The following TBX1 variants were observed in gnomAD, a reference collection of about 807,000 sequenced individuals.
TBX1 encodes T-box transcription factor 1.
Under a neutral mutation model 40.8 loss-of-function variants are expected in TBX1, and 16 were observed. The observed-to-expected ratio is 0.39, with a 90% CI of 0.27 to 0.60. The LOEUF is 0.60. TBX1 is among the 20% of genes least tolerant of loss of function. The pLI, the probability that TBX1 is intolerant of heterozygous loss-of-function variation, is 0.51. For synonymous variants in TBX1, 403 were observed against 336.8 expected, an observed-to-expected ratio of 1.20 and a Z score of -2.15; for missense variants, 755 against 728.5, an observed-to-expected ratio of 1.04 and a Z score of -0.42.
At chr22:19,761,985 C>A (rs41298798) in intron 1 of TBX1, among the ~76,000 whole-genome samples, 2 of 152,228 alleles carry the variant, frequency 1.3e-5, no homozygotes, top group African/African-American at 4.8e-5. Flanking sequence ...GCGGGTGCCG[C>A]GCTGTGTCTA....
chr22:19,758,516 C>T (rs1439036443), upstream of TBX1, among the ~76,000 whole-genome samples: 1 of 152,188 alleles, frequency 6.6e-6, no homozygotes, highest in Non-Finnish European at 1.5e-5. Flanking sequence ...CGGCGGGCCT[C>T]GGCCTCACTC....
downstream of TBX1, among the ~76,000 whole-genome samples, chr22:19,769,282 T>C (rs747958226): frequency 1.3e-5 from 2 of 152,286 alleles, no homozygotes; most frequent in East Asian, 1.9e-4. Flanking sequence ...TGAACTAGGA[T>C]TCATTAAACA....
downstream of TBX1, chr22:19,779,640 A>G: frequency 2.0e-6 from 2 of 1,014,764 alleles, no homozygotes; most frequent in Non-Finnish European, 2.7e-6. Flanking sequence ...ATTGACTGTA[A>G]ACTCATTATA....
chr22:19,779,295 T>C (rs749948240), exon 9 of TBX1: 1 of 1,614,148 alleles, frequency 6.2e-7, no homozygotes, highest in African/African-American at 1.3e-5. Flanking sequence ...GTGGAGCTTC[T>C]GAGGGATGCA....
At position 19,766,927 on chromosome 22, in the gene TBX1, G is replaced by A; in HGVS notation, c.*60G>A. ...ACAGCCCCGAAGTTCGCCGGGCCCG[G>A]CCACCCTGCCCCAAGGGCAAGCAAG... On this transcript the variant is annotated 3_prime_UTR_variant, in exon 7 of 7. Coordinates refer to ENST00000649276, the MANE Select transcript of TBX1 (RefSeq NM_001379200.1). The A allele has an allele frequency of 6.4e-7, 1 of 1,562,660 alleles. No individual in the cohort carries two copies. Among genetic ancestry groups the A allele is most frequent in the South Asian group, 1.2e-5 (1 of 86,456 alleles).
intron 8 of TBX1, among the ~76,000 whole-genome samples, chr22:19,772,740 G>A (rs1188696856): frequency 1.3e-5 from 2 of 152,146 alleles, no homozygotes; most frequent in African/African-American, 4.8e-5. Context: ...GAACGAAGAT[G>A]GTGACAGCAG....
rs41298006 is a variant in TBX1 at position 19,779,119 on chromosome 22, G to A, written c.1010-101G>A. 713 of 1,382,758 alleles carry A rather than the reference G, an allele frequency of 5.2e-4. 13 individuals are homozygous for A. In the East Asian group the frequency reaches 0.013, roughly 25 times the overall value. 85.7% of individuals were successfully genotyped at this position (1,382,758 alleles called of 1,614,324 possible). A position where few individuals can be genotyped will look rare whatever the true frequency, so the allele number is the denominator to read the frequency against. ...GCAGTCCTGTCCTGCCCTTCCATGC[G>A]GTTCAGACACTGGACATTTGTGCAG... On this transcript the variant is annotated intron_variant, in intron 8 of 8. Coordinates refer to the TBX1 transcript ENST00000329705.
chr22:19,778,529 G>A (rs1323596523), intron 8 of TBX1, among the ~76,000 whole-genome samples: 1 of 151,432 alleles, frequency 6.6e-6, no homozygotes, highest in Non-Finnish European at 1.5e-5. Context: ...CCACCTCCTG[G>A]GCTCAAGCAA....
At chr22:19,783,124 C>T (rs1937158253), downstream of TBX1, 1 of 748,340 alleles carries the variant, frequency 1.3e-6, no homozygotes, top group Non-Finnish European at 2.5e-6. Flanking sequence ...ATCCTCCAGC[C>T]CTGGCCATCA....
chr22:19,780,846 G>A (rs535455000), downstream of TBX1, among the ~76,000 whole-genome samples: 5 of 146,274 alleles, frequency 3.4e-5, no homozygotes, highest in Non-Finnish European at 7.4e-5. Context: ...GCAGTGGCGC[G>A]ATCTCGGCTC....
At chr22:19,782,827 G>A, downstream of TBX1, 4 of 1,611,182 alleles carry the variant, frequency 2.5e-6, no homozygotes, top group Non-Finnish European at 3.4e-6. Flanking sequence ...GAGAAACAAG[G>A]ACAAGCCTTA....
downstream of TBX1, chr22:19,783,026 T>A: frequency 1.0e-6 from 1 of 972,008 alleles, no homozygotes; most frequent in Non-Finnish European, 1.7e-6. Context: ...CACTTGAAGG[T>A]ACTCAGGTTG....
At chr22:19,768,242 C>A (rs968032819), downstream of TBX1, among the ~76,000 whole-genome samples, 6 of 152,212 alleles carry the variant, frequency 3.9e-5, no homozygotes, top group Admixed American at 2.0e-4. Flanking sequence ...CTAGGCCACT[C>A]GGCTCATCAC....
chr22:19,780,220 A>G (rs990152705), downstream of TBX1, among the ~76,000 whole-genome samples: 7 of 152,184 alleles, frequency 4.6e-5, no homozygotes, highest in African/African-American at 1.7e-4. Flanking sequence ...ACCACCAGCC[A>G]TCTCAGAACT....
In TBX1 at chr22:19,767,080, C is replaced by T; in HGVS notation, c.*213C>T. 7.9e-7 allele frequency: 1 copy of T among 1,272,762 alleles called. No individual in the cohort carries two copies. 78.8% of individuals were successfully genotyped at this position (1,272,762 alleles called of 1,614,324 possible). ...GTATCCGGTTCCCCAGTCCCTGGAG[C>T]CACCGCGGGTCCTTCCCCGGCCCCG... On this transcript the variant is annotated 3_prime_UTR_variant, in exon 7 of 7. Transcript: ENST00000649276.
chr22:19,768,400 A>AGG (rs1936926497), downstream of TBX1, among the ~76,000 whole-genome samples: 2 of 152,082 alleles, frequency 1.3e-5, no homozygotes, highest in Non-Finnish European at 2.9e-5. Flanking sequence ...AATGGCAGGA[A>AGG]CCATTCCCAG....
intron 8 of TBX1, among the ~76,000 whole-genome samples, chr22:19,777,980 G>A (rs1465427938): frequency 3.3e-5 from 5 of 151,786 alleles, no homozygotes; most frequent in South Asian, 2.1e-4. Context: ...GGCTGGTCTC[G>A]AACTCCTGAG....
intron 8 of TBX1, among the ~76,000 whole-genome samples, chr22:19,777,201 T>TCCCTCC (rs1278612411): frequency 2.0e-5 from 3 of 152,022 alleles, no homozygotes; most frequent in African/African-American, 7.3e-5. Flanking sequence ...CCTAATGCTA[T>TCCCTCC]CCCTCCCCCT....
downstream of TBX1, among the ~76,000 whole-genome samples, chr22:19,780,908 G>A (rs954001946): frequency 2.7e-5 from 4 of 148,290 alleles, no homozygotes; most frequent in East Asian, 2.1e-4. Flanking sequence ...TCAGCCTCCC[G>A]AGTAGCTAGG....
Sources: allele counts gnomAD v4.1 joint callset (sites outside exome capture counted in the v4.1 genomes callset), GRCh38; gene constraint gnomAD v4.1.1; transcripts MANE v1.5; gene names NCBI Gene and HGNC (gene_info 2026-07-23, HGNC 2026-07-21).